CPXM2: variants seen among roughly 807,000 people sequenced by gnomAD.
The protein encoded by CPXM2 is carboxypeptidase X, M14 family member 2.
Under a neutral mutation model 86.1 loss-of-function variants are expected in CPXM2, and 66 were observed. The ratio of observed to expected loss-of-function variants is 0.77; its 90% confidence interval spans 0.63 to 0.94. The LOEUF is 0.94. CPXM2 is among the 40% of genes least tolerant of loss of function. The pLI, the probability that CPXM2 is intolerant of heterozygous loss-of-function variation, is 0.00. For missense variants in CPXM2, 948 were observed against 1,026.3 expected, an observed-to-expected ratio of 0.92 and a Z score of 1.04; for synonymous variants, 388 against 400.2, an observed-to-expected ratio of 0.97 and a Z score of 0.36.
At chr10:123,918,130 T>C (rs566979880) in intron 2 of CPXM2, among the ~76,000 whole-genome samples, 4 of 152,374 alleles carry the variant, frequency 2.6e-5, no homozygotes, top group African/African-American at 9.6e-5. Flanking sequence ...TATTTATTAT[T>C]TCCTCAGCCA....
At chr10:123,829,973 T>C (rs1848131077) in intron 4 of CPXM2, among the ~76,000 whole-genome samples, 1 of 149,964 alleles carries the variant, frequency 6.7e-6, no homozygotes, top group Non-Finnish European at 1.5e-5. Flanking sequence ...AAAAGCTTGA[T>C]ATGTTACATA....
At chr10:123,838,440 C>T (rs906889494) in intron 4 of CPXM2, among the ~76,000 whole-genome samples, 1 of 152,086 alleles carries the variant, frequency 6.6e-6, no homozygotes, top group Non-Finnish European at 1.5e-5. Context: ...GGTGACAGAG[C>T]GAGACTCCAT....
At chr10:123,910,428 C>T (rs566040242) in intron 2 of CPXM2, among the ~76,000 whole-genome samples, 82 of 152,264 alleles carry the variant, frequency 5.4e-4, no homozygotes, top group Middle Eastern at 3.4e-3. Context: ...ATCACTCCCC[C>T]ACTGCAGAGA....
At chr10:123,915,318 G>C (rs1414952706) in intron 2 of CPXM2, among the ~76,000 whole-genome samples, 1 of 152,216 alleles carries the variant, frequency 6.6e-6, no homozygotes, top group East Asian at 1.9e-4. Context: ...AGCCCTTTGG[G>C]AGGCTGAGGC....
Position 123,803,118 on chromosome 10 carries a change from C to CTTTTTTTTT in CPXM2, c.654-3928_654-3920dup, listed in dbSNP as rs532954173. 3.0e-3 allele frequency among the ~76,000 whole-genome samples: 190 copies of CTTTTTTTTT among 63,622 alleles called. 25 individuals carry two copies. The highest frequency in any genetic ancestry group is 4.3e-3 in the Non-Finnish European group (141 of 32,514). The allele number at this position is 63,622 out of a possible 152,430, so 41.7% of individuals were successfully genotyped here. A position where few individuals can be genotyped will look rare whatever the true frequency, so the allele number is the denominator to read the frequency against. On this transcript the variant is annotated intron_variant, in intron 4 of 13. Coordinates refer to ENST00000241305, the MANE Select transcript of CPXM2 (RefSeq NM_198148.3). ...TCCTTTTCATCCTCTTTGTAGTACC[C>CTTTTTTTTT]TTTTTTTTTTTTTTTTTTTTTTTTT...
At chr10:123,881,229 T>TCCCCTCCCCTCCCC (rs1564811040) in intron 1 of CPXM2, among the ~76,000 whole-genome samples, 1 of 89,682 alleles carries the variant, frequency 1.1e-5, no homozygotes, top group Admixed American at 9.2e-5. Context: ...TGGAGCACCC[T>TCCCCTCCCCTCCCC]TCTCTTCCCT....
At chr10:123,768,827 T>G in intron 8 of CPXM2, 105 bp from the exon 9 acceptor site, 1 of 997,422 alleles carries the variant, frequency 1.0e-6, no homozygotes. Context: ...AATATAAGCT[T>G]ACCGTTTTAG....
intron 2 of CPXM2, among the ~76,000 whole-genome samples, chr10:123,929,141 G>A (rs1036289251): frequency 1.3e-5 from 2 of 152,246 alleles, no homozygotes; most frequent in Non-Finnish European, 1.5e-5. Context: ...TGTCAGAGGT[G>A]ACAGGATGGG....
upstream of CPXM2, among the ~76,000 whole-genome samples, chr10:123,894,852 G>A (rs901470188): frequency 2.0e-5 from 3 of 152,256 alleles, no homozygotes; most frequent in African/African-American, 7.2e-5. Context: ...CATGGCAGAT[G>A]ATGGGAATCC....
chr10:123,839,663 A>C (rs1274809000), intron 4 of CPXM2, among the ~76,000 whole-genome samples: 1 of 152,154 alleles, frequency 6.6e-6, no homozygotes, highest in Admixed American at 6.5e-5. Flanking sequence ...GCAAGAGAGA[A>C]AGGGAGATGA....
At position 123,933,240 on chromosome 10, in the gene CPXM2, T is replaced by C. The variant is rs544530773; in HGVS notation, n.174+6237A>G. ...TTGCAGCAAGAGCCAGCATCATTCC[T>C]GCACTGACCACCAAACTTCCCAGCC... On this transcript the variant is annotated intron_variant and non_coding_transcript_variant, in intron 2 of 19. Transcript: ENST00000368854. 2.6e-4 allele frequency among the ~76,000 whole-genome samples: 39 copies of C among 152,342 alleles called. 2 individuals are homozygous for C. In the South Asian group the frequency reaches 8.1e-3, roughly 32 times the overall value.
In CPXM2 at chr10:123,850,593, C is replaced by T. The variant is rs571280812; in HGVS notation, c.514-8105G>A. Among the ~76,000 whole-genome samples, 5 of 152,248 alleles carry T rather than the reference C, an allele frequency of 3.3e-5. No homozygotes were observed. The East Asian group carries it at 9.6e-4, about 29-fold the overall frequency. On this transcript the variant is annotated intron_variant, in intron 3 of 13. Coordinates refer to ENST00000241305, the MANE Select transcript of CPXM2 (RefSeq NM_198148.3). ...CTTGGTTATCAAAGAGCTGGTATTG[C>T]GGTGCTTGTGTTGAAGTAATCTTTT... is the stretch of plus-strand genomic sequence containing the variant.
At chr10:123,797,298 T>C (rs931078762) in intron 6 of CPXM2, among the ~76,000 whole-genome samples, 1 of 152,226 alleles carries the variant, frequency 6.6e-6, no homozygotes, top group Non-Finnish European at 1.5e-5. Flanking sequence ...CACTACCCAG[T>C]GTAATGGTAT....
intron 6 of CPXM2, among the ~76,000 whole-genome samples, 189 bp from the exon 7 acceptor site, chr10:123,780,444 G>A (rs539685312): frequency 5.3e-5 from 8 of 152,220 alleles, no homozygotes; most frequent in Admixed American, 1.3e-4. Flanking sequence ...GTTAAGAGTG[G>A]GGAGCCAGAA....
chr10:123,800,640 G>A (rs1412546859), intron 4 of CPXM2, among the ~76,000 whole-genome samples: 7 of 152,130 alleles, frequency 4.6e-5, no homozygotes, highest in South Asian at 2.1e-4. Context: ...AGAGAGAGGT[G>A]ATGAATGTAG....
chr10:123,827,677 T>C (rs1214313037), intron 4 of CPXM2, among the ~76,000 whole-genome samples: 1 of 152,208 alleles, frequency 6.6e-6, no homozygotes, highest in South Asian at 2.1e-4. Context: ...TCCTACCAAG[T>C]TCCTAGTAAG....
rs4980165 is a variant in CPXM2 at position 123,823,466 on chromosome 10, T to C, written c.653+18883A>G. Among the ~76,000 whole-genome samples the C allele has an allele frequency of 1.6e-3, 239 of 152,246 alleles. 6 individuals are homozygous for C. In the East Asian group the frequency reaches 0.03, roughly 19 times the overall value. On this transcript the variant is annotated intron_variant, in intron 4 of 13. Transcript: ENST00000241305. The stretch of plus-strand genomic sequence containing the variant: ...TACCTAGAAAACCATTAAAAATAAG[T>C]GATTATTACCTCCAGTAAAAGAAAA...
chr10:123,824,021 C>T (rs1355309566), intron 4 of CPXM2, among the ~76,000 whole-genome samples: 2 of 152,172 alleles, frequency 1.3e-5, no homozygotes, highest in African/African-American at 4.8e-5. Flanking sequence ...AGCTTTTCCA[C>T]TCATTTTAGG....
chr10:123,872,929 A>G (rs1400209006), intron 2 of CPXM2, among the ~76,000 whole-genome samples: 5 of 145,648 alleles, frequency 3.4e-5, no homozygotes, highest in African/African-American at 1.2e-4. Context: ...TAAAAAAAGA[A>G]AAAAAAAACA....
Sources: gnomAD v4.1 joint callset for allele counts (sites outside exome capture counted in the v4.1 genomes callset) on GRCh38, gnomAD v4.1.1 for gene constraint, MANE v1.5 for transcripts, NCBI Gene and HGNC (gene_info 2026-07-23, HGNC 2026-07-21) for gene names.